ASTN2: variants seen among roughly 807,000 people sequenced by gnomAD.
ASTN2 encodes the protein astrotactin 2.
In ASTN2, 54 loss-of-function variants were observed where a neutral mutation model predicts 139.8. That is an observed-to-expected ratio of 0.39 (90% CI 0.31 to 0.48). The LOEUF is 0.48. ASTN2 is among the 20% of genes least tolerant of loss of function. The pLI is 0.95. For synonymous variants in ASTN2, 756 were observed against 719.5 expected (o/e 1.05, Z -0.81); for missense variants, 1,565 against 1,725.1 (o/e 0.91, Z 1.64).
intron 19 of ASTN2, among the ~76,000 whole-genome samples, chr9:116,605,432 T>TA (rs553699079): frequency 1.9e-4 from 29 of 149,254 alleles, no homozygotes; most frequent in African/African-American, 4.2e-4. Flanking sequence ...TTTTTAAAGT[T>TA]AAAAAAAAAA....
At chr9:116,584,981 T>C (rs573389556) in intron 19 of ASTN2, 1 of 152,238 alleles carries the variant, frequency 6.6e-6, no homozygotes, top group South Asian at 2.1e-4. Context: ...AATGAGTGAG[T>C]GCACTATGTT....
chr9:117,114,095 G>GAAA (rs1829316955), intron 4 of ASTN2, among the ~76,000 whole-genome samples: 1 of 151,700 alleles, frequency 6.6e-6, no homozygotes, highest in Non-Finnish European at 1.5e-5. Flanking sequence ...TTTGGAGGAT[G>GAAA]AGGTACAGAA....
At chr9:116,712,198 A>G (rs1828182133) in intron 16 of ASTN2, among the ~76,000 whole-genome samples, 1 of 152,000 alleles carries the variant, frequency 6.6e-6, no homozygotes, top group African/African-American at 2.4e-5. Context: ...CTTTTCTTGC[A>G]TCTTGGAACA....
At chr9:116,945,681 C>T (rs1354343756) in intron 10 of ASTN2, among the ~76,000 whole-genome samples, 1 of 151,890 alleles carries the variant, frequency 6.6e-6, no homozygotes, top group Non-Finnish European at 1.5e-5. Context: ...TTATCAAGTC[C>T]CACATGGTTT....
intron 1 of ASTN2, among the ~76,000 whole-genome samples, chr9:117,384,912 A>G (rs529762216): frequency 2.6e-5 from 4 of 152,252 alleles, no homozygotes; most frequent in African/African-American, 9.6e-5. Flanking sequence ...CAGATGGATA[A>G]ATGGATAAAA....
chr9:116,844,145 A>G (rs1371819383), intron 11 of ASTN2, among the ~76,000 whole-genome samples: 1 of 152,218 alleles, frequency 6.6e-6, no homozygotes, highest in African/African-American at 2.4e-5. Context: ...TCAATAATAA[A>G]TAACCGCCTC....
At chr9:117,306,164 C>T (rs1237889964) in intron 1 of ASTN2, among the ~76,000 whole-genome samples, 2 of 152,180 alleles carry the variant, frequency 1.3e-5, no homozygotes, top group African/African-American at 4.8e-5. Context: ...GCTCCCACCC[C>T]ACTTGGTTCT....
At chr9:116,592,782 A>C (rs1335281448) in intron 19 of ASTN2, among the ~76,000 whole-genome samples, 2 of 152,184 alleles carry the variant, frequency 1.3e-5, no homozygotes, top group African/African-American at 4.8e-5. Flanking sequence ...ACAGATACAG[A>C]AACTGAGGCC....
At chr9:116,885,047 T>C (rs1364759875) in intron 10 of ASTN2, among the ~76,000 whole-genome samples, 25 of 152,028 alleles carry the variant, frequency 1.6e-4, no homozygotes, top group Admixed American at 1.6e-3. Flanking sequence ...ACAACAGTCA[T>C]ATGGGATTAG....
At chr9:117,331,665 C>T (rs886082928) in intron 1 of ASTN2, among the ~76,000 whole-genome samples, 3 of 152,112 alleles carry the variant, frequency 2.0e-5, no homozygotes, top group Non-Finnish European at 4.4e-5. Context: ...GGAATATTAG[C>T]GATTTTCAAC....
chr9:116,941,551 A>AC (rs953303784), intron 10 of ASTN2, among the ~76,000 whole-genome samples: 19 of 139,522 alleles, frequency 1.4e-4, no homozygotes, highest in African/African-American at 5.1e-4. Flanking sequence ...GAGACTCCCT[A>AC]CCCCCCACAT....
intron 2 of ASTN2, among the ~76,000 whole-genome samples, chr9:117,274,132 T>C (rs1834129095): frequency 6.6e-6 from 1 of 152,060 alleles, no homozygotes; most frequent in South Asian, 2.1e-4. Context: ...AGATGGATCA[T>C]GAAGTCAGGA....
At position 116,733,484 on chromosome 9, in the gene ASTN2, A is replaced by G; in HGVS notation, c.2436T>C (p.Asp812=). The change falls in exon 14 of 23, where the codon GAT becomes GAC. Residue 812 remains aspartate (D), a synonymous_variant. Transcript: ENST00000313400. ...CCGGCAGCGGGATCACCAACAGCCC[A>G]TCGGCCAGCTGGGGAAAGTCCTTGA... is the stretch of plus-strand genomic sequence containing the variant. ...NFIKDFPQLA[D]GLLVIPLPVE... 4 of 1,614,198 alleles carry G rather than the reference A, an allele frequency of 2.5e-6. No homozygotes were observed. The highest frequency in any genetic ancestry group is 3.4e-6 in the Non-Finnish European group (4 of 1,180,026).
intron 19 of ASTN2, among the ~76,000 whole-genome samples, chr9:116,605,800 T>C (rs1038931298): frequency 6.6e-6 from 1 of 152,160 alleles, no homozygotes; most frequent in Non-Finnish European, 1.5e-5. Flanking sequence ...TGCCTCTAGG[T>C]CTATTCTCAA....
chr9:116,687,201 G>GCC (rs1168944037), intron 16 of ASTN2: 3 of 1,015,238 alleles, frequency 3.0e-6, no homozygotes, highest in Middle Eastern at 5.0e-4. Context: ...GGGCCGCCTT[G>GCC]CCCCGCGCGC....
intron 1 of ASTN2, among the ~76,000 whole-genome samples, chr9:117,358,261 GACACACACACACACAC>G (rs67475291): frequency 6.8e-5 from 10 of 146,786 alleles, no homozygotes; most frequent in Non-Finnish European, 1.4e-4. Flanking sequence ...TACATGTGCA[GACACACACACACACAC>G]ACACACACAC....
chr9:116,773,818 G>A (rs1479062067), intron 13 of ASTN2, among the ~76,000 whole-genome samples: 1 of 152,064 alleles, frequency 6.6e-6, no homozygotes, highest in Non-Finnish European at 1.5e-5. Context: ...TGATTGTAAA[G>A]ACTTTTTTTT....
At chr9:116,748,418 C>T (rs772007734) in intron 13 of ASTN2, among the ~76,000 whole-genome samples, 2 of 152,170 alleles carry the variant, frequency 1.3e-5, no homozygotes, top group African/African-American at 2.4e-5. Flanking sequence ...CCTCAATCCC[C>T]GAGGGGTCTA....
At chr9:117,322,506 C>T (rs1828364338) in intron 1 of ASTN2, among the ~76,000 whole-genome samples, 1 of 152,188 alleles carries the variant, frequency 6.6e-6, no homozygotes, top group Non-Finnish European at 1.5e-5. Flanking sequence ...ACTCATCTAA[C>T]ATCACACAGG....
Sources: gnomAD v4.1 joint callset for allele counts (sites outside exome capture counted in the v4.1 genomes callset) on GRCh38, gnomAD v4.1.1 for gene constraint, MANE v1.5 for transcripts, NCBI Gene and HGNC (gene_info 2026-07-23, HGNC 2026-07-21) for gene names.